Variants in CPNE8 observed in about 807,000 individuals in gnomAD.
The protein encoded by CPNE8 is copine-8.
In CPNE8, 45 loss-of-function variants were observed where a neutral mutation model predicts 81.5. That is an observed-to-expected ratio of 0.55 (90% CI 0.44 to 0.71). CPNE8 has a LOEUF of 0.71. CPNE8 is among the 30% of genes least tolerant of loss of function. The pLI, the probability that CPNE8 is intolerant of heterozygous loss-of-function variation, is 0.00. For missense variants in CPNE8, 594 were observed against 672.1 expected (o/e 0.88, Z 1.28); for synonymous variants, 252 against 226.3 (o/e 1.11, Z -1.02).
chr12:38,796,352 T>A (rs1338993572), intron 6 of CPNE8, among the ~76,000 whole-genome samples: 1 of 152,018 alleles, frequency 6.6e-6, no homozygotes, highest in African/African-American at 2.4e-5. Context: ...TTAGTTTTTA[T>A]AAAATAATGC....
At chr12:38,706,716 C>T (rs1287314921) in intron 13 of CPNE8, among the ~76,000 whole-genome samples, 1 of 152,170 alleles carries the variant, frequency 6.6e-6, no homozygotes, top group Non-Finnish European at 1.5e-5. Flanking sequence ...GGAGAAGACA[C>T]ATTACTATCT....
intron 10 of CPNE8, among the ~76,000 whole-genome samples, chr12:38,759,888 T>C (rs1941538815): frequency 6.6e-6 from 1 of 152,038 alleles, no homozygotes; most frequent in Admixed American, 6.5e-5. Flanking sequence ...GAGAAGAGGG[T>C]GCCCCCTCAG....
intron 19 of CPNE8, among the ~76,000 whole-genome samples, chr12:38,662,815 G>C (rs528466717): frequency 5.1e-4 from 77 of 152,238 alleles, no homozygotes; most frequent in Non-Finnish European, 7.6e-4. Context: ...GAACAGAATA[G>C]AGAACCCAGA....
intron 6 of CPNE8, among the ~76,000 whole-genome samples, chr12:38,827,507 A>C (rs1274893429): frequency 6.6e-6 from 1 of 152,242 alleles, no homozygotes; most frequent in Non-Finnish European, 1.5e-5. Flanking sequence ...TTCTACCATA[A>C]AGACATTCAT....
rs1565585119 is a variant in CPNE8, at chr12:38,724,841, CT to C, written c.852+4del. 1 of 1,436,102 alleles carries C rather than the reference CT, an allele frequency of 7.0e-7. No homozygotes were observed. Among genetic ancestry groups the C allele is most frequent in the Admixed American group, 1.8e-5 (1 of 57,042 alleles). 89.0% of individuals were successfully genotyped at this position (1,436,102 alleles called of 1,614,324 possible). A position where few individuals can be genotyped will look rare whatever the true frequency, so the allele number is the denominator to read the frequency against. On this transcript the variant is annotated splice_donor_region_variant and intron_variant, in intron 12 of 19. Transcript: ENST00000331366. ...CTTTAATAAATAACATAAAATTTGA[CT>C]TACTGTTCCAGAATTAGTATATTTT...
At chr12:38,785,117 C>T (rs1843639) in intron 6 of CPNE8, among the ~76,000 whole-genome samples, 19 of 151,460 alleles carry the variant, frequency 1.3e-4, no homozygotes, top group South Asian at 2.1e-4. Context: ...ATCGCTTGAA[C>T]CCAGGAGGAG....
chr12:38,734,064 G>C (rs1565589403), intron 10 of CPNE8, among the ~76,000 whole-genome samples: 1 of 151,786 alleles, frequency 6.6e-6, no homozygotes, highest in East Asian at 1.9e-4. Context: ...CAAATAACCA[G>C]TATCTCTCAT....
At chr12:38,868,696 A>C (rs1235635252) in intron 3 of CPNE8, among the ~76,000 whole-genome samples, 1 of 152,162 alleles carries the variant, frequency 6.6e-6, no homozygotes, top group Non-Finnish European at 1.5e-5. Flanking sequence ...CAGTAGACTA[A>C]ATATTATCTA....
intron 10 of CPNE8, among the ~76,000 whole-genome samples, chr12:38,742,091 C>T (rs1444539249): frequency 1.3e-5 from 2 of 152,018 alleles, no homozygotes; most frequent in Admixed American, 1.3e-4. Context: ...GTAAACTAGT[C>T]CAACCATTGT....
chr12:38,737,633 C>T (rs1940985414), intron 10 of CPNE8, among the ~76,000 whole-genome samples: 1 of 151,988 alleles, frequency 6.6e-6, no homozygotes, highest in East Asian at 1.9e-4. Flanking sequence ...TATATTGCTA[C>T]CTTTGTTTTT....
At chr12:38,721,916 C>A (rs1387511044) in intron 13 of CPNE8, among the ~76,000 whole-genome samples, 1 of 152,198 alleles carries the variant, frequency 6.6e-6, no homozygotes, top group Admixed American at 6.5e-5. Flanking sequence ...CAGCAGCCAG[C>A]ATGTCTGACT....
intron 6 of CPNE8, among the ~76,000 whole-genome samples, chr12:38,800,136 G>A (rs1223691733): frequency 8.2e-6 from 1 of 121,638 alleles, no homozygotes; most frequent in African/African-American, 2.7e-5. Flanking sequence ...CAGGAAGCTC[G>A]AACTGGGTGG....
chr12:38,889,285 AG>A (rs1944277507), intron 1 of CPNE8, among the ~76,000 whole-genome samples: 1 of 151,912 alleles, frequency 6.6e-6, no homozygotes, highest in Non-Finnish European at 1.5e-5. Context: ...AGAGAAAGGG[AG>A]GGGTGGGCAA....
Position 38,796,406 on chromosome 12 carries a change from A to G in CPNE8, c.408-20105T>C, listed in dbSNP as rs180700450. On this transcript the variant is annotated intron_variant, in intron 6 of 19. Transcript: ENST00000331366. ...ATTTCTTTAACAAGTCATAAAAGTAAAAATGATAAAAGATTGATGATTTCA... is the reference window on the plus strand; with the variant it reads ...ATTTCTTTAACAAGTCATAAAAGTAGAAATGATAAAAGATTGATGATTTCA... 5.3e-5 allele frequency among the ~76,000 whole-genome samples: 8 copies of G among 152,358 alleles called. No homozygotes were observed. The East Asian group carries it at 1.3e-3, about 26-fold the overall frequency.
rs138309458 is a variant in CPNE8 at position 38,693,122 on chromosome 12, T to C, written c.1143+535A>G. On this transcript the variant is annotated intron_variant, in intron 15 of 19. Coordinates refer to ENST00000331366, the MANE Select transcript of CPNE8 (RefSeq NM_153634.3). Reference sequence around the variant, plus strand: ...CTCAGGCCCAAGACATGAATGAACATGAGCAAAGAAGTTATGTTAGGAGAC... The same window carrying C: ...CTCAGGCCCAAGACATGAATGAACACGAGCAAAGAAGTTATGTTAGGAGAC... Among the ~76,000 whole-genome samples the C allele has an allele frequency of 2.0e-5, 3 of 152,196 alleles. No homozygotes were observed. In the East Asian group the frequency reaches 5.8e-4, roughly 29 times the overall value.
chr12:38,702,686 A>G (rs761015500), intron 14 of CPNE8, among the ~76,000 whole-genome samples, 189 bp downstream of exon 14: 4 of 152,084 alleles, frequency 2.6e-5, no homozygotes, highest in Non-Finnish European at 5.9e-5. Flanking sequence ...TTTTTGTTAT[A>G]TTATTTCTAG....
intron 3 of CPNE8, among the ~76,000 whole-genome samples, chr12:38,871,218 T>A (rs1327399298): frequency 6.6e-6 from 1 of 152,216 alleles, no homozygotes; most frequent in Non-Finnish European, 1.5e-5. Flanking sequence ...AGGTCCAAAA[T>A]TTTTTGTTGT....
chr12:38,850,359 C>T (rs11169807), intron 3 of CPNE8, among the ~76,000 whole-genome samples: 61,217 of 151,890 alleles, frequency 0.4, 14,131 homozygotes, highest in Admixed American at 0.54. Context: ...AGTGAAATTT[C>T]CCACAGTAAG....
chr12:38,905,657 A>T (rs1944560488), upstream of CPNE8: 2 of 1,459,468 alleles, frequency 1.4e-6, no homozygotes, highest in Non-Finnish European at 9.2e-7. Flanking sequence ...AGGCGGAGGC[A>T]GCGCGCGGGA....
Sources: gnomAD v4.1 joint callset for allele counts (sites outside exome capture counted in the v4.1 genomes callset) on GRCh38, gnomAD v4.1.1 for gene constraint, MANE v1.5 for transcripts, NCBI Gene and HGNC (gene_info 2026-07-23, HGNC 2026-07-21) for gene names.